The following ABCA13 variants were observed in gnomAD, a reference collection of about 807,000 sequenced individuals.
ABCA13 encodes ATP binding cassette subfamily A member 13.
Under a neutral mutation model 478.7 loss-of-function variants are expected in ABCA13, and 476 were observed. The ratio of observed to expected loss-of-function variants is 0.99; its 90% CI spans 0.92 to 1.07. The LOEUF is 1.07. Ranked by LOEUF, ABCA13 falls within the 50% of genes least tolerant of loss-of-function variation. The pLI is 0.00. For missense variants in ABCA13, 6,060 were observed against 5,910.6 expected (o/e 1.03, Z -0.83); for synonymous variants, 2,252 against 2,158.9 (o/e 1.04, Z -1.20).
At chr7:48,174,337 A>G (rs1794557046) in intron 1 of ABCA13, among the ~76,000 whole-genome samples, 1 of 152,208 alleles carries the variant, frequency 6.6e-6, no homozygotes, top group Non-Finnish European at 1.5e-5. Flanking sequence ...AGATGTACAT[A>G]GTGTCAGCAT....
chr7:48,239,165 C>A (rs545031512), intron 8 of ABCA13, 76 bp from the exon 9 acceptor site: 3 of 1,470,706 alleles, frequency 2.0e-6, no homozygotes, highest in Admixed American at 3.6e-5. Context: ...GTGGCAAGAT[C>A]GTGGTGTTAT....
At chr7:48,375,057 T>G (rs1813247540) in intron 34 of ABCA13, among the ~76,000 whole-genome samples, 1 of 152,234 alleles carries the variant, frequency 6.6e-6, no homozygotes, top group Non-Finnish European at 1.5e-5. Flanking sequence ...CAGGTGGGAC[T>G]GTCTAGTTGT....
At position 48,372,184 on chromosome 7, in the gene ABCA13, G is replaced by C; in HGVS notation, c.10820G>C (p.Gly3607Ala). ...IQIEEYMRMM[G>A]VHPVIHFLAW... is the part of the protein sequence containing the mutation. ...TTTTGGTAGTATATGCGGATGATGG[G>C]AGTGCATCCAGTGATCCATTTCCTG... Residue 3607 changes from glycine (G) to alanine (A), a missense_variant, in exon 33 of 62, where the codon GGA (glycine) becomes GCA (alanine). By Grantham distance (60) the Gly-to-Ala change is moderately conservative. Around this residue, in one of 3 missense-constraint regions of ABCA13, gnomAD observed 4,423 missense variants for 4,309.1 expected, o/e 1.03. Coordinates refer to ENST00000435803, the MANE Select transcript of ABCA13 (RefSeq NM_152701.5). The C allele has an allele frequency of 6.2e-7, 1 of 1,613,180 alleles. No homozygotes were observed. The highest frequency in any genetic ancestry group is 1.1e-5 in the South Asian group (1 of 91,048).
At chr7:48,582,987 G>C (rs1436745267) in intron 56 of ABCA13, among the ~76,000 whole-genome samples, 2 of 152,162 alleles carry the variant, frequency 1.3e-5, no homozygotes, top group Admixed American at 6.5e-5. Flanking sequence ...GGATGCTAGA[G>C]AAAATGTGTC....
chr7:48,380,187 T>C (rs1267641689), intron 35 of ABCA13, among the ~76,000 whole-genome samples: 1 of 152,234 alleles, frequency 6.6e-6, no homozygotes, highest in Non-Finnish European at 1.5e-5. Flanking sequence ...TTTTAAAATA[T>C]ATATATCAAA....
chr7:48,392,341 A>AATTTG (rs1226527701), intron 38 of ABCA13, among the ~76,000 whole-genome samples: 10 of 152,310 alleles, frequency 6.6e-5, no homozygotes, highest in South Asian at 2.1e-4. Flanking sequence ...GAAGGCATTG[A>AATTTG]ATTTGATTTG....
In ABCA13 at chr7:48,227,624, T is replaced by C. The variant is rs192449262; in HGVS notation, c.632+199T>C. Reference sequence around the variant, plus strand: ...CATATTTTATATACAGGCAGTGATGTTGTTCAGAGCGTGTGCTCCCTGATT... The same window carrying C: ...CATATTTTATATACAGGCAGTGATGCTGTTCAGAGCGTGTGCTCCCTGATT... On this transcript the variant is annotated intron_variant, in intron 6 of 61. Transcript: ENST00000435803. 2.1e-3 allele frequency among the ~76,000 whole-genome samples: 318 copies of C among 152,314 alleles called. 2 individuals carry two copies. Among genetic ancestry groups the C allele is most frequent in the African/African-American group, 7.3e-3 (303 of 41,566 alleles).
At chr7:48,440,286 C>T (rs1823404236) in intron 42 of ABCA13, among the ~76,000 whole-genome samples, 1 of 152,036 alleles carries the variant, frequency 6.6e-6, no homozygotes, top group East Asian at 1.9e-4. Flanking sequence ...CAAATCCCTC[C>T]TCACAAGGGT....
intron 43 of ABCA13, among the ~76,000 whole-genome samples, chr7:48,458,603 A>C (rs911268441): frequency 2.0e-5 from 3 of 152,236 alleles, no homozygotes; most frequent in Admixed American, 2.0e-4. Flanking sequence ...AGTTGAGAAA[A>C]TGCAATTATA....
intron 42 of ABCA13, among the ~76,000 whole-genome samples, chr7:48,446,511 A>G (rs1824329236): frequency 6.6e-6 from 1 of 151,930 alleles, no homozygotes; most frequent in South Asian, 2.1e-4. Context: ...TTCTCCCACA[A>G]TTTAATTCTC....
chr7:48,394,226 G>A (rs1196804244), intron 38 of ABCA13, among the ~76,000 whole-genome samples: 1 of 152,112 alleles, frequency 6.6e-6, no homozygotes, highest in Non-Finnish European at 1.5e-5. Context: ...TATTATGAGT[G>A]CCCCCTTCCA....
intron 31 of ABCA13, among the ~76,000 whole-genome samples, chr7:48,362,556 A>G (rs142939189): frequency 0.025 from 3,843 of 150,984 alleles, 80 homozygotes; most frequent in Middle Eastern, 0.1. Flanking sequence ...TGTGGCCTTA[A>G]TTCTTTGATA....
intron 30 of ABCA13, among the ~76,000 whole-genome samples, chr7:48,351,734 G>A (rs1404141152): frequency 1.3e-5 from 2 of 152,148 alleles, no homozygotes; most frequent in Non-Finnish European, 1.5e-5. Flanking sequence ...TAAGGGACAC[G>A]ATTTAGCTGT....
intron 55 of ABCA13, among the ~76,000 whole-genome samples, chr7:48,543,215 G>C (rs1421020484): frequency 1.3e-5 from 2 of 151,722 alleles, no homozygotes; most frequent in South Asian, 2.1e-4. Context: ...AATTTCTTCT[G>C]TAAGTCGAAA....
intron 55 of ABCA13, among the ~76,000 whole-genome samples, chr7:48,562,763 C>T (rs867312332): frequency 6.6e-6 from 1 of 151,992 alleles, no homozygotes; most frequent in Non-Finnish European, 1.5e-5. Flanking sequence ...CATATGCATC[C>T]TGAAACTGAA....
intron 3 of ABCA13, among the ~76,000 whole-genome samples, chr7:48,203,862 T>C (rs1784551396): frequency 6.6e-6 from 1 of 152,244 alleles, no homozygotes; most frequent in Admixed American, 6.5e-5. Context: ...TGGGCTTTGA[T>C]TGGGTGACCT....
At chr7:48,530,818 C>A (rs988530997) in intron 55 of ABCA13, among the ~76,000 whole-genome samples, 1 of 152,024 alleles carries the variant, frequency 6.6e-6, no homozygotes, top group African/African-American at 2.4e-5. Context: ...GTCCTTAGCC[C>A]ACTTTGTGAT....
chr7:48,177,492 C>A (rs1046329217), intron 1 of ABCA13, among the ~76,000 whole-genome samples: 1 of 152,186 alleles, frequency 6.6e-6, no homozygotes, highest in Non-Finnish European at 1.5e-5. Flanking sequence ...CACCCAGGGG[C>A]GCTCCATACA....
intron 43 of ABCA13, among the ~76,000 whole-genome samples, chr7:48,458,475 G>A (rs1396251290): frequency 6.6e-6 from 1 of 152,168 alleles, no homozygotes; most frequent in East Asian, 1.9e-4. Context: ...AGGCCTGCAT[G>A]TGGCTTTCAA....
Sources: allele counts gnomAD v4.1 joint callset (sites outside exome capture counted in the v4.1 genomes callset), GRCh38; gene constraint gnomAD v4.1.1; regional missense constraint gnomAD v4.1.1; transcripts MANE v1.5; gene names NCBI Gene and HGNC (gene_info 2026-07-23, HGNC 2026-07-21).